The following SLC14A2 variants were observed in gnomAD, a reference collection of about 807,000 sequenced individuals.
SLC14A2 encodes the protein urea transporter 2.
In SLC14A2, 91 loss-of-function variants were observed where a neutral mutation model predicts 104.6. That is an observed-to-expected ratio of 0.87 (90% CI 0.73 to 1.04). SLC14A2 has a LOEUF of 1.04. SLC14A2 is among the 50% of genes least tolerant of loss of function. The pLI is 0.00. For missense variants in SLC14A2, 1,189 were observed against 1,156.0 expected (o/e 1.03, Z -0.41); for synonymous variants, 476 against 466.4 (o/e 1.02, Z -0.27).
intron 1 of SLC14A2, among the ~76,000 whole-genome samples, chr18:45,214,736 A>T (rs1310865861): frequency 6.6e-6 from 1 of 152,074 alleles, no homozygotes; most frequent in Non-Finnish European, 1.5e-5. Flanking sequence ...CTTTTCCAGT[A>T]TTATGTTTAT....
intron 1 of SLC14A2, among the ~76,000 whole-genome samples, chr18:45,387,135 A>G (rs2085906041): frequency 6.6e-6 from 1 of 152,182 alleles, no homozygotes; most frequent in African/African-American, 2.4e-5. Flanking sequence ...ATCTCTCTCC[A>G]TAAGAATTTT....
intron 2 of SLC14A2, chr18:45,492,183 G>A (rs3909259): frequency 0.073 from 11,124 of 152,298 alleles, 540 homozygotes; most frequent in East Asian, 0.21. Context: ...CCTATTGGCT[G>A]ACTGTACCTC....
chr18:45,242,975 G>C lies in SLC14A2; in HGVS notation c.-125+29784G>C, dbSNP rs190839812. Among the ~76,000 whole-genome samples, 13 of 152,312 alleles carry C rather than the reference G, an allele frequency of 8.5e-5. No individual in the cohort carries two copies. The East Asian group carries it at 2.5e-3, about 29-fold the overall frequency. ...GTATCTGAAAGTCCATAATGAGATA[G>C]CCATTCCTTTAGAGCTTAAACCTTT... is the stretch of plus-strand genomic sequence containing the variant. On this transcript the variant is annotated intron_variant, in intron 1 of 20. Transcript: ENST00000586448.
rs552966744 is a variant in SLC14A2, at chr18:45,641,973, C to A, written c.1126+630C>A. On this transcript the variant is annotated intron_variant, in intron 8 of 19. Coordinates refer to ENST00000255226, the MANE Select transcript of SLC14A2 (RefSeq NM_007163.4). ...ATATAAATATACAAACTCACTTAATCCCCCCAAGAATACCACCAGGCATAG... is the reference window on the plus strand; with the variant it reads ...ATATAAATATACAAACTCACTTAATACCCCCAAGAATACCACCAGGCATAG... Among the ~76,000 whole-genome samples the A allele has an allele frequency of 3.3e-5, 5 of 152,302 alleles. No homozygotes were observed. The South Asian group carries it at 8.3e-4, about 25-fold the overall frequency.
intron 2 of SLC14A2, among the ~76,000 whole-genome samples, chr18:45,556,748 T>C (rs761196721): frequency 6.5e-4 from 99 of 152,244 alleles, no homozygotes; most frequent in Non-Finnish European, 1.3e-3. Context: ...GTATGCAATC[T>C]GTATATAGCT....
intron 1 of SLC14A2, among the ~76,000 whole-genome samples, chr18:45,394,729 G>A (rs963902735): frequency 4.6e-5 from 7 of 152,058 alleles, no homozygotes; most frequent in Admixed American, 1.3e-4. Context: ...TTGTTGAGTT[G>A]TAGGAGTTTC....
chr18:45,527,650 ATACT>A (rs757418703), intron 2 of SLC14A2, among the ~76,000 whole-genome samples: 4 of 152,334 alleles, frequency 2.6e-5, no homozygotes, highest in East Asian at 1.9e-4. Context: ...TCTAGCCTGG[ATACT>A]TATAGCAGCC....
chr18:45,554,656 G>C (rs754169150), intron 2 of SLC14A2, among the ~76,000 whole-genome samples: 3 of 152,104 alleles, frequency 2.0e-5, no homozygotes, highest in Non-Finnish European at 4.4e-5. Context: ...GGGAAGGATG[G>C]GGGTGTGGGG....
chr18:45,383,609 C>T lies in SLC14A2; in HGVS notation c.-124-99624C>T, dbSNP rs967017176. 2.6e-5 allele frequency among the ~76,000 whole-genome samples: 4 copies of T among 152,280 alleles called. No individual in the cohort carries two copies. The East Asian group carries it at 5.8e-4, about 22-fold the overall frequency. ...TGTGTTAGGCTCTCCCCTCCCTTCC[C>T]TTCTCTACTTCTCCCTTGTCTCCTG... On this transcript the variant is annotated intron_variant, in intron 1 of 20. Coordinates refer to the SLC14A2 transcript ENST00000586448.
intron 1 of SLC14A2, among the ~76,000 whole-genome samples, chr18:45,277,227 C>T (rs1469080869): frequency 1.3e-5 from 2 of 152,122 alleles, no homozygotes; most frequent in African/African-American, 2.4e-5. Flanking sequence ...GGACAAGTAA[C>T]CATATTTTAT....
Position 45,669,310 on chromosome 18 carries a change from ATCCTC to A in SLC14A2, c.2045_2049del (p.Leu682GlnfsTer76), listed in dbSNP as rs745790571. The A allele has an allele frequency of 6.2e-7, 1 of 1,611,974 alleles. No individual in the cohort carries two copies. Among genetic ancestry groups the A allele is most frequent in the Non-Finnish European group, 8.5e-7 (1 of 1,178,784 alleles). On this transcript the variant is annotated frameshift_variant, in exon 16 of 20. Coordinates refer to ENST00000255226, the MANE Select transcript of SLC14A2 (RefSeq NM_007163.4). LOFTEE classifies it high-confidence loss of function. ...CTCTCATGCTTCTGCCATCAGCCCC[ATCCTC>A]TCCAGTGCCCTGGGTACCATCTTCA...
chr18:45,431,321 G>T (rs1341268051), intron 1 of SLC14A2, among the ~76,000 whole-genome samples: 1 of 152,106 alleles, frequency 6.6e-6, no homozygotes. Context: ...GTGTCTGTGT[G>T]TGTGTGCATT....
At chr18:45,673,868 T>TA (rs1161117764) in intron 18 of SLC14A2, 51 bp downstream of exon 18, 2 of 1,577,008 alleles carry the variant, frequency 1.3e-6, no homozygotes, top group Admixed American at 3.5e-5. Flanking sequence ...GCTTTTTACA[T>TA]AAAACTGTTT....
At chr18:45,531,411 G>A (rs1336827513) in intron 2 of SLC14A2, among the ~76,000 whole-genome samples, 7 of 151,786 alleles carry the variant, frequency 4.6e-5, no homozygotes, top group Admixed American at 1.3e-4. Flanking sequence ...GTGAGATGGT[G>A]TCTCATTGTG....
chr18:45,295,547 T>G (rs2084910878), intron 1 of SLC14A2, among the ~76,000 whole-genome samples: 1 of 152,200 alleles, frequency 6.6e-6, no homozygotes, highest in South Asian at 2.1e-4. Context: ...TTCCTAGATG[T>G]GTTTCCTTAG....
At chr18:45,172,132 T>C in the SLC14A2 span, among the ~76,000 whole-genome samples, 1 of 152,154 alleles carries the variant, frequency 6.6e-6, no homozygotes, top group Non-Finnish European at 1.5e-5. Flanking sequence ...AATTATTCCC[T>C]TAGTTACTTC....
At chr18:45,340,936 A>G (rs1599688938) in intron 1 of SLC14A2, among the ~76,000 whole-genome samples, 1 of 152,294 alleles carries the variant, frequency 6.6e-6, no homozygotes, top group East Asian at 1.9e-4. Context: ...GAAGGATTAG[A>G]CCACAGGTTG....
intron 1 of SLC14A2, among the ~76,000 whole-genome samples, chr18:45,291,186 G>A (rs2084865786): frequency 6.6e-6 from 1 of 152,146 alleles, no homozygotes. Context: ...ATAGTCATGT[G>A]TGATTAATTG....
intron 19 of SLC14A2, among the ~76,000 whole-genome samples, chr18:45,680,260 T>C (rs941022947): frequency 6.6e-6 from 1 of 152,158 alleles, no homozygotes; most frequent in Non-Finnish European, 1.5e-5. Flanking sequence ...CTGAAAGAAA[T>C]GCAAAACAGG....
Sources: gnomAD v4.1 joint callset for allele counts (sites outside exome capture counted in the v4.1 genomes callset) on GRCh38, gnomAD v4.1.1 for gene constraint, MANE v1.5 for transcripts, NCBI Gene and HGNC (gene_info 2026-07-23, HGNC 2026-07-21) for gene names.